Variants in C12orf56 observed in about 807,000 individuals in gnomAD.
C12orf56 encodes chromosome 12 open reading frame 56.
A neutral mutation model predicts 69.9 loss-of-function variants in C12orf56; 71 were observed. The ratio of observed to expected loss-of-function variants is 1.02; its 90% CI spans 0.84 to 1.24. The LOEUF is 1.24. Ranked by LOEUF, C12orf56 falls within the 50% of genes most tolerant of loss-of-function variation. The probability of loss-of-function intolerance (pLI) is 0.00; values close to 1 mark genes in which losing one functional copy is unlikely to be tolerated. For synonymous variants in C12orf56, 276 were observed against 274.1 expected, an observed-to-expected ratio of 1.01 and a Z score of -0.07; for missense variants, 732 against 738.5, an observed-to-expected ratio of 0.99 and a Z score of 0.10.
At chr12:64,370,243 G>A (rs1246811073) in intron 1 of C12orf56, among the ~76,000 whole-genome samples, 1 of 151,576 alleles carries the variant, frequency 6.6e-6, no homozygotes, top group African/African-American at 2.4e-5. Context: ...TACTTGGGAG[G>A]CTGAGGCTGG....
At chr12:64,341,094 G>T (rs142774604) in intron 2 of C12orf56, among the ~76,000 whole-genome samples, 117 of 152,292 alleles carry the variant, frequency 7.7e-4, no homozygotes, top group African/African-American at 2.7e-3. Flanking sequence ...TTCTTGGCCT[G>T]TTGACTTAAA....
At chr12:64,338,839 T>C in intron 2 of C12orf56, 2 of 864,262 alleles carry the variant, frequency 2.3e-6, no homozygotes, top group Non-Finnish European at 3.8e-6. Context: ...CGAGTTTAGG[T>C]TTGAAGGGTG....
At chr12:64,285,927 A>T in intron 7 of C12orf56, 27 bp downstream of exon 7, 3 of 1,446,456 alleles carry the variant, frequency 2.1e-6, no homozygotes, top group Non-Finnish European at 2.8e-6. Context: ...AAAAAAAAAA[A>T]TCGATGATTA....
At chr12:64,367,810 CT>C (rs1199792016) in intron 1 of C12orf56, among the ~76,000 whole-genome samples, 506 of 127,440 alleles carry the variant, frequency 4.0e-3, no homozygotes, top group Non-Finnish European at 3.6e-3. Context: ...GGCACTCTTT[CT>C]TTTTTTTTTT....
intron 2 of C12orf56, among the ~76,000 whole-genome samples, chr12:64,341,026 T>C (rs1039446887): frequency 1.3e-5 from 2 of 152,216 alleles, no homozygotes; most frequent in Non-Finnish European, 2.9e-5. Flanking sequence ...TGTGGAGTTG[T>C]AGACTGATTT....
intron 6 of C12orf56, among the ~76,000 whole-genome samples, chr12:64,293,536 T>C (rs1309785413): frequency 6.6e-6 from 1 of 152,112 alleles, no homozygotes; most frequent in African/African-American, 2.4e-5. Context: ...CTCATGGGGT[T>C]GATTTAAACG....
intron 5 of C12orf56, among the ~76,000 whole-genome samples, chr12:64,311,646 G>T (rs1231187091): frequency 2.6e-5 from 4 of 152,176 alleles, no homozygotes; most frequent in Non-Finnish European, 4.4e-5. Context: ...AGCTTCCTGA[G>T]AATTGTGAGA....
At chr12:64,274,842 CAA>C in intron 11 of C12orf56, 57 bp downstream of exon 11, 2 of 1,328,656 alleles carry the variant, frequency 1.5e-6, no homozygotes, top group Non-Finnish European at 2.1e-6. Flanking sequence ...TAATTAAGCA[CAA>C]GAGTATCTGT....
chr12:64,373,738 A>G (rs2039604129), intron 1 of C12orf56, among the ~76,000 whole-genome samples: 1 of 152,218 alleles, frequency 6.6e-6, no homozygotes, highest in Non-Finnish European at 1.5e-5. Context: ...CTAAAAGAGG[A>G]CCAATGGTAA....
intron 12 of C12orf56, among the ~76,000 whole-genome samples, chr12:64,269,794 G>A (rs558841053): frequency 6.6e-6 from 1 of 151,948 alleles, no homozygotes; most frequent in East Asian, 2.0e-4. Flanking sequence ...TCACCATGTT[G>A]CTCAGCCTGG....
chr12:64,342,420 A>G (rs1174514112), intron 2 of C12orf56, among the ~76,000 whole-genome samples: 1 of 152,148 alleles, frequency 6.6e-6, no homozygotes, highest in Non-Finnish European at 1.5e-5. Context: ...ATCATGCAGA[A>G]CCATCTGTGA....
intron 2 of C12orf56, among the ~76,000 whole-genome samples, chr12:64,334,616 G>A (rs1310365029): frequency 1.3e-5 from 2 of 152,106 alleles, no homozygotes; most frequent in African/African-American, 4.8e-5. Flanking sequence ...CAACACAGAT[G>A]CAACTTTTTT....
chr12:64,376,368 T>C (rs1365710047), intron 1 of C12orf56, among the ~76,000 whole-genome samples: 1 of 152,222 alleles, frequency 6.6e-6, no homozygotes, highest in East Asian at 1.9e-4. Flanking sequence ...ATTAACAAAC[T>C]TATTTCTTGT....
chr12:64,277,766 C>T lies in C12orf56; in HGVS notation c.1348G>A (p.Glu450Lys). 6.2e-7 allele frequency: 1 copy of T among 1,602,252 alleles called. No homozygotes were observed. The highest frequency in any genetic ancestry group is 8.5e-7 in the Non-Finnish European group (1 of 1,173,132). Reference sequence around the variant, plus strand: ...GGACAAGATTTTGGAATCTGAGGCTCACTAATTAAAATTACCAAGAGATTA... The same window carrying T: ...GGACAAGATTTTGGAATCTGAGGCTTACTAATTAAAATTACCAAGAGATTA... ...LFNLLVILIS[E>K]PQIPKSCPVF... Residue 450 changes from glutamate (E) to lysine (K), a missense_variant, in exon 9 of 13, where the codon GAG (glutamate) becomes AAG (lysine). By Grantham distance (56) the Glu-to-Lys change is moderately conservative. Transcript: ENST00000543942.
At position 64,265,291 on chromosome 12, in the gene C12orf56, G is replaced by T. The variant is rs968964923; in HGVS notation, c.*1892C>A. On this transcript the variant is annotated 3_prime_UTR_variant, in exon 13 of 13. Transcript: ENST00000543942. Reference sequence around the variant, plus strand: ...CTCTCTCTCTGCCCCCAAAATTGAGGGTAGAAAATGTGGACTCCTCATTGG... The same window carrying T: ...CTCTCTCTCTGCCCCCAAAATTGAGTGTAGAAAATGTGGACTCCTCATTGG... 1 of 152,150 alleles carries T rather than the reference G, an allele frequency of 6.6e-6. No homozygotes were observed. Among genetic ancestry groups the T allele is most frequent in the African/African-American group, 2.4e-5 (1 of 41,418 alleles). 9.4% of individuals were successfully genotyped at this position (152,150 alleles called of 1,614,324 possible).
rs2039853642 is a variant in C12orf56 at position 64,390,436 on chromosome 12, T to C, written c.130A>G (p.Asn44Asp). ...TACTTGAGGATGTGGTTCTCAGAGT[T>C]GGACACCACGATGCATGGCTCGTAG... Reference protein sequence around the residue: ...RAYEPCIVVSNSENHILKYVV... With the variant: ...RAYEPCIVVSDSENHILKYVV... The change falls in exon 1 of 13, where the codon AAC becomes GAC. Residue 44 changes from asparagine to aspartate, a missense_variant. Physicochemically the swap from Asn to Asp is conservative, Grantham distance 23. Transcript: ENST00000543942. 1 of 1,612,182 alleles carries C rather than the reference T, an allele frequency of 6.2e-7. No homozygotes were observed. The highest frequency in any genetic ancestry group is 8.5e-7 in the Non-Finnish European group (1 of 1,179,726).
intron 3 of C12orf56, among the ~76,000 whole-genome samples, chr12:64,323,939 C>T (rs1044110349): frequency 6.6e-6 from 1 of 152,170 alleles, no homozygotes; most frequent in Non-Finnish European, 1.5e-5. Context: ...CATGTGGATG[C>T]CTATTCCTAG....
chr12:64,363,290 A>G (rs1353714956), intron 1 of C12orf56, among the ~76,000 whole-genome samples: 1 of 152,218 alleles, frequency 6.6e-6, no homozygotes, highest in Non-Finnish European at 1.5e-5. Flanking sequence ...TACCTGCTGA[A>G]GGAAAACAAA....
At chr12:64,361,855 C>T (rs891959695) in intron 1 of C12orf56, among the ~76,000 whole-genome samples, 7 of 152,110 alleles carry the variant, frequency 4.6e-5, no homozygotes, top group Non-Finnish European at 1.0e-4. Flanking sequence ...GCCTCAGCCT[C>T]CCGAGTATCT....
Sources: allele counts gnomAD v4.1 joint callset (sites outside exome capture counted in the v4.1 genomes callset), GRCh38; gene constraint gnomAD v4.1.1; transcripts MANE v1.5; gene names NCBI Gene and HGNC (gene_info 2026-07-23, HGNC 2026-07-21).